The following PGLYRP4 variants were observed in gnomAD, a reference collection of about 807,000 sequenced individuals.
The protein encoded by PGLYRP4 is PGRP-I-beta.
In PGLYRP4, 39 loss-of-function variants were observed where a neutral mutation model predicts 41.2. The ratio of observed to expected loss-of-function variants is 0.95; its 90% CI spans 0.73 to 1.24. PGLYRP4 has a LOEUF of 1.24. Among genes scored for constraint, PGLYRP4 ranks in the 50% most tolerant of loss-of-function variants. The pLI, the probability that PGLYRP4 is intolerant of heterozygous loss-of-function variation, is 0.00. For missense variants in PGLYRP4, 467 were observed against 460.7 expected (o/e 1.01, Z -0.13); for synonymous variants, 202 against 186.8 (o/e 1.08, Z -0.66).
In PGLYRP4 at chr1:153,341,619, G is replaced by A. The variant is rs746682502; in HGVS notation, c.625+8C>T. On this transcript the variant is annotated splice_region_variant and intron_variant, in intron 6 of 8. Coordinates refer to ENST00000359650, the MANE Select transcript of PGLYRP4 (RefSeq NM_020393.4). ...GGCAGGCCCAGTAGGGCTGAAGAAA[G>A]GTCTTACCCTTCTTCAGGCTTGTCT... 1 of 1,608,568 alleles carries A rather than the reference G, an allele frequency of 6.2e-7. No homozygotes were observed. The highest frequency in any genetic ancestry group is 1.1e-5 in the South Asian group (1 of 90,506).
Position 153,342,116 on chromosome 1 carries a change from C to G in PGLYRP4, c.473-337G>C, listed in dbSNP as rs571504624. ...GGCCCCTCCAGGCATGTGTCAGGCT[C>G]TTTGCCTACAATAACTCATTTAATC... On this transcript the variant is annotated intron_variant, in intron 5 of 8. Coordinates refer to ENST00000359650, the MANE Select transcript of PGLYRP4 (RefSeq NM_020393.4). Among the ~76,000 whole-genome samples the G allele has an allele frequency of 1.2e-3, 180 of 152,316 alleles. 1 individual carries two copies. Among genetic ancestry groups the G allele is most frequent in the African/African-American group, 4.1e-3 (169 of 41,566 alleles).
At chr1:153,345,042 T>C in intron 4 of PGLYRP4, 127 bp downstream of exon 4, 2 of 700,248 alleles carry the variant, frequency 2.9e-6, no homozygotes, top group Non-Finnish European at 4.7e-6. Context: ...TTTTAAATAT[T>C]TTATTCATTA....
At position 153,345,306 on chromosome 1, in the gene PGLYRP4, C is replaced by G. The variant is rs1395198051; in HGVS notation, c.216G>C (p.Leu72=). ...TAACAAGGACATTCACTGGCGTGGT[C>G]AGCTGAATACTGCAGCCAACAGCTT... ...GAEAVGCSIQ[L]TTPVNVLVIH... The change falls in exon 4 of 9, where the codon CTG becomes CTC. Residue 72 remains leucine (L), a synonymous_variant. Transcript: ENST00000359650. The G allele has an allele frequency of 1.2e-5, 19 of 1,614,160 alleles. No individual in the cohort carries two copies. The highest frequency in any genetic ancestry group is 1.6e-5 in the Non-Finnish European group (19 of 1,180,018).
At position 153,345,367 on chromosome 1, in the gene PGLYRP4, A is replaced by T. The variant is rs1161289751; in HGVS notation, c.155T>A (p.Val52Asp). 1 of 1,614,060 alleles carries T rather than the reference A, an allele frequency of 6.2e-7. No homozygotes were observed. The highest frequency in any genetic ancestry group is 2.2e-5 in the East Asian group (1 of 44,890). Residue 52 changes from valine (V) to aspartate (D), a missense_variant, in exon 4 of 9, where the codon GTC (valine) becomes GAC (aspartate). Transcript: ENST00000359650. Reference protein sequence around the residue: ...QLTEKGLPTDVSTTVSRKAWG... With the variant: ...QLTEKGLPTDDSTTVSRKAWG... Reference sequence around the variant, plus strand: ...TGCCTTGCGAGAGACCGTGGTGGAGACATCTGTGGGAAGGCCTTGGGGACG... The same window carrying T: ...TGCCTTGCGAGAGACCGTGGTGGAGTCATCTGTGGGAAGGCCTTGGGGACG...
chr1:153,346,469 A>G (rs2101580220), intron 2 of PGLYRP4, among the ~76,000 whole-genome samples: 1 of 99,154 alleles, frequency 1.0e-5, no homozygotes, highest in African/African-American at 4.6e-5. Flanking sequence ...TACACACACA[A>G]TTGGCGGGGA....
At chr1:153,334,464 T>TATATA (rs1553197034) in intron 8 of PGLYRP4, among the ~76,000 whole-genome samples, 2,198 of 57,106 alleles carry the variant, frequency 0.038, 25 homozygotes, top group Non-Finnish European at 0.067. Context: ...ATATATATAT[T>TATATA]TATTTATATA....
intron 8 of PGLYRP4, 112 bp from the exon 9 acceptor site, chr1:153,331,057 C>G (rs1303305594): frequency 2.4e-6 from 2 of 846,962 alleles, no homozygotes; most frequent in Non-Finnish European, 3.5e-6. Flanking sequence ...CTGTTGGCAG[C>G]CTCCCTAGAG....
chr1:153,345,139 T>TG, intron 4 of PGLYRP4, 30 bp downstream of exon 4: 1 of 1,555,220 alleles, frequency 6.4e-7, no homozygotes, highest in Non-Finnish European at 8.8e-7. Flanking sequence ...ACACTGACCA[T>TG]GTGCCGTGGG....
chr1:153,336,225 G>T (rs1403804347), intron 8 of PGLYRP4, among the ~76,000 whole-genome samples: 1 of 151,846 alleles, frequency 6.6e-6, no homozygotes, highest in Non-Finnish European at 1.5e-5. Flanking sequence ...GCAAAAATTA[G>T]CCAGGTGTGG....
chr1:153,346,347 G>A (rs1189267498), intron 2 of PGLYRP4, among the ~76,000 whole-genome samples, 156 bp from the exon 3 acceptor site: 2 of 152,154 alleles, frequency 1.3e-5, no homozygotes, highest in Non-Finnish European at 2.9e-5. Flanking sequence ...GCTGACCAGA[G>A]GGCCACCTCT....
intron 8 of PGLYRP4, among the ~76,000 whole-genome samples, chr1:153,332,841 G>A (rs1438666814): frequency 6.6e-6 from 1 of 152,120 alleles, no homozygotes; most frequent in South Asian, 2.1e-4. Context: ...AATGAAAATA[G>A]AGACACAACA....
chr1:153,344,617 G>C (rs1660926368), intron 4 of PGLYRP4, among the ~76,000 whole-genome samples: 1 of 152,218 alleles, frequency 6.6e-6, no homozygotes, highest in Non-Finnish European at 1.5e-5. Context: ...GGTGAGCCAA[G>C]GGCATGTGGT....
chr1:153,341,889 A>T, intron 5 of PGLYRP4, 110 bp from the exon 6 acceptor site: 1 of 1,004,702 alleles, frequency 1.0e-6, no homozygotes. Context: ...GGAGAGGAAG[A>T]AAAGGGAACA....
intron 6 of PGLYRP4, among the ~76,000 whole-genome samples, 185 bp downstream of exon 6, chr1:153,341,442 A>T (rs1660795669): frequency 2.0e-5 from 3 of 152,256 alleles, no homozygotes; most frequent in African/African-American, 7.2e-5. Flanking sequence ...TCTGAGGGAC[A>T]AAGAGGTGGC....
intron 6 of PGLYRP4, among the ~76,000 whole-genome samples, chr1:153,341,093 T>A (rs1660781847): frequency 6.6e-6 from 1 of 152,180 alleles, no homozygotes; most frequent in African/African-American, 2.4e-5. Context: ...TCTATTCGTG[T>A]TGTTTTGGTT....
At chr1:153,337,330 GCATGA>G in intron 7 of PGLYRP4, 31 bp from the exon 8 acceptor site, 5 of 1,304,508 alleles carry the variant, frequency 3.8e-6, no homozygotes, top group Non-Finnish European at 5.4e-6. Context: ...ATGGAGACCA[GCATGA>G]AATTCTGGAA....
chr1:153,345,083 G>A lies in PGLYRP4; in HGVS notation c.353+86C>T. On this transcript the variant is annotated intron_variant, in intron 4 of 8. Coordinates refer to ENST00000359650, the MANE Select transcript of PGLYRP4 (RefSeq NM_020393.4). ...CATATAGGACCACAACCCAGAAAAT[G>A]AGGAAAAGGGATGAGAAGGGACAGG... is the stretch of plus-strand genomic sequence containing the variant. 3 of 1,004,370 alleles carry A rather than the reference G, an allele frequency of 3.0e-6. No homozygotes were observed. The South Asian group carries it at 4.3e-5, about 14-fold the overall frequency. The allele number at this position is 1,004,370 out of a possible 1,614,324, so 62.2% of individuals were successfully genotyped here.
chr1:153,347,772 C>A, intron 2 of PGLYRP4, 112 bp downstream of exon 2: 2 of 776,026 alleles, frequency 2.6e-6, no homozygotes, highest in Non-Finnish European at 4.5e-6. Context: ...CGGCTCACTG[C>A]AGCCTTGAAC....
chr1:153,346,827 C>T (rs1661030979), intron 2 of PGLYRP4, among the ~76,000 whole-genome samples: 1 of 152,174 alleles, frequency 6.6e-6, no homozygotes, highest in African/African-American at 2.4e-5. Flanking sequence ...CCACGTATTG[C>T]TATATCTTCA....
Sources: gnomAD v4.1 joint callset for allele counts (sites outside exome capture counted in the v4.1 genomes callset) on GRCh38, gnomAD v4.1.1 for gene constraint, MANE v1.5 for transcripts, NCBI Gene and HGNC (gene_info 2026-07-23, HGNC 2026-07-21) for gene names.